The following RHBG variants were observed in gnomAD, a reference collection of about 807,000 sequenced individuals.
RHBG encodes the protein ammonium transporter Rh type B.
A neutral mutation model predicts 40.1 loss-of-function variants in RHBG; 39 were observed. That is an observed-to-expected ratio of 0.97 (90% CI 0.75 to 1.27). RHBG has a LOEUF of 1.27. Ranked by LOEUF, RHBG falls within the 50% of genes most tolerant of loss-of-function variation. RHBG has a pLI of 0.00. For missense variants in RHBG, 549 were observed against 588.1 expected (o/e 0.93, Z 0.69); for synonymous variants, 237 against 252.5 (o/e 0.94, Z 0.58).
At chr1:156,381,245 T>G in intron 4 of RHBG, 102 bp from the exon 5 acceptor site, 47 of 1,210,956 alleles carry the variant, frequency 3.9e-5, no homozygotes, top group Non-Finnish European at 5.0e-5. Flanking sequence ...ATGAGGAAAC[T>G]GAGGCTGCTG....
chr1:156,380,771 AAC>A (rs1667569473), intron 4 of RHBG, among the ~76,000 whole-genome samples: 1 of 151,392 alleles, frequency 6.6e-6, no homozygotes, highest in African/African-American at 2.4e-5. Context: ...CGTGGTTTTC[AAC>A]AAAGTAGTTT....
At position 156,377,590 on chromosome 1, in the gene RHBG, C is replaced by T. The variant is rs561134605; in HGVS notation, c.374+103C>T. The T allele has an allele frequency of 4.9e-6, 6 of 1,221,812 alleles. No individual in the cohort carries two copies. Among genetic ancestry groups the T allele is most frequent in the South Asian group, 3.0e-5 (2 of 67,230 alleles). The allele number at this position is 1,221,812 out of a possible 1,614,324, so 75.7% of individuals were successfully genotyped here. ...TCCTTCAAGTCTGCTTCCTGACTCA[C>T]GATTCTGGGCGTCACTTGGTTTCTC... is the stretch of plus-strand genomic sequence containing the variant. On this transcript the variant is annotated intron_variant, in intron 2 of 9. Transcript: ENST00000537040. This position sits in a 1 kb window ranked among gnomAD's most constrained non-coding sequence, Gnocchi z 4.6.
intron 4 of RHBG, among the ~76,000 whole-genome samples, chr1:156,381,070 C>G (rs1313911003): frequency 1.3e-5 from 2 of 152,062 alleles, no homozygotes; most frequent in Admixed American, 1.3e-4. Flanking sequence ...CAGCTAATTC[C>G]TTTGTATTTT....
At chr1:156,384,653 C>G in intron 9 of RHBG, 53 bp downstream of exon 9, 1 of 1,543,280 alleles carries the variant, frequency 6.5e-7, no homozygotes, top group Non-Finnish European at 8.8e-7. Context: ...CCTGCCTCGC[C>G]TCCTGTGGCC....
chr1:156,377,891 C>A lies in RHBG; in HGVS notation c.375-99C>A. 8.1e-7 allele frequency: 1 copy of A among 1,240,098 alleles called. No individual in the cohort carries two copies. The highest frequency in any genetic ancestry group is 1.1e-6 in the Non-Finnish European group (1 of 898,590). The allele number at this position is 1,240,098 out of a possible 1,614,324, so 76.8% of individuals were successfully genotyped here. On this transcript the variant is annotated intron_variant, in intron 2 of 9. Transcript: ENST00000537040. The surrounding 1 kb of genome is among the most constrained non-coding windows in gnomAD (Gnocchi z 4.6). ...TCTCTCCAGAACTCCAACCCCACCC[C>A]ACCCACCACATCATGCTGTCCTGGC...
At position 156,382,084 on chromosome 1, in the gene RHBG, A is replaced by G. The variant is rs749812306; in HGVS notation, c.995A>G (p.Lys332Arg). The G allele has an allele frequency of 2.5e-6, 4 of 1,610,026 alleles. No homozygotes were observed. Among genetic ancestry groups the G allele is most frequent in the Non-Finnish European group, 8.5e-7 (1 of 1,176,854 alleles). Residue 332 changes from lysine to arginine, a missense_variant, in exon 7 of 10, where the codon AAA (lysine) becomes AGA (arginine). Physicochemically the swap from Lys to Arg is conservative, Grantham distance 26. Around this residue, in one of 3 missense-constraint regions of RHBG, gnomAD observed 399 missense variants for 417.0 expected, o/e 0.96. Coordinates refer to ENST00000537040, the MANE Select transcript of RHBG (RefSeq NM_020407.5). ...GCCCTCCAGCCCATCCTTGAATCAAAATTCAAAGTCCAAGACACATGTGGA... is the reference window on the plus strand; with the variant it reads ...GCCCTCCAGCCCATCCTTGAATCAAGATTCAAAGTCCAAGACACATGTGGA... ...YKFFTPILESKFKVQDTCGVH... is the reference protein window; with the variant it reads ...YKFFTPILESRFKVQDTCGVH...
chr1:156,383,828 A>ATTT (rs58771195), intron 8 of RHBG, among the ~76,000 whole-genome samples: 125 of 101,688 alleles, frequency 1.2e-3, no homozygotes, highest in Non-Finnish European at 1.8e-3. Flanking sequence ...CGCCCGGCCT[A>ATTT]TTTTTTTTTT....
Position 156,377,468 on chromosome 1 carries a change from A to C in RHBG, c.355A>C (p.Ile119Leu). Residue 119 changes from isoleucine (I) to leucine (L), a missense_variant, in exon 2 of 10, where the codon ATC becomes CTC. This residue lies in a region of RHBG where 51 missense variants were observed against 85.9 expected (regional missense o/e 0.59). Coordinates refer to ENST00000537040, the MANE Select transcript of RHBG (RefSeq NM_020407.5). This position sits in a 1 kb window ranked among gnomAD's most constrained non-coding sequence, Gnocchi z 4.6. Reference sequence around the variant, plus strand: ...TCTCCACTCCTTCCACGGTGGCCACATCCATGTTGGCGTGGAGAGGTGGGC... The same window carrying C: ...TCTCCACTCCTTCCACGGTGGCCACCTCCATGTTGGCGTGGAGAGGTGGGC... ...GFLHSFHGGHIHVGVESMINA... is the reference protein window; with the variant it reads ...GFLHSFHGGHLHVGVESMINA... The C allele has an allele frequency of 6.2e-7, 1 of 1,611,844 alleles. No homozygotes were observed. Among genetic ancestry groups the C allele is most frequent in the Non-Finnish European group, 8.5e-7 (1 of 1,178,174 alleles).
chr1:156,369,857 T>C (rs541336147), intron 1 of RHBG, among the ~76,000 whole-genome samples: 11 of 152,070 alleles, frequency 7.2e-5, no homozygotes, highest in African/African-American at 2.4e-4. Context: ...ACCCTGAGCA[T>C]GGGAAAGAGA....
At chr1:156,371,105 G>A (rs1158641567) in intron 1 of RHBG, 7 of 419,550 alleles carry the variant, frequency 1.7e-5, no homozygotes, top group Non-Finnish European at 3.2e-5. Flanking sequence ...TTCAAACAAG[G>A]CCTAGAGTGT....
In RHBG at chr1:156,375,794, C is replaced by CA. The variant is rs573831667; in HGVS notation, c.188-1505dup. ...CTCACTCTGTTGCCAGGCTGGAGTG[C>CA]AATGGCGCTATCTCGGCTCACTGCA... On this transcript the variant is annotated intron_variant, in intron 1 of 9. Transcript: ENST00000537040. Among the ~76,000 whole-genome samples the CA allele has an allele frequency of 5.2e-4, 78 of 151,334 alleles. 1 individual carries two copies. Among genetic ancestry groups the CA allele is most frequent in the South Asian group, 4.4e-3 (21 of 4,798 alleles).
chr1:156,377,240 T>A lies in RHBG; in HGVS notation c.188-61T>A. The A allele has an allele frequency of 6.5e-7, 1 of 1,548,900 alleles. No homozygotes were observed. Among genetic ancestry groups the A allele is most frequent in the East Asian group, 2.3e-5 (1 of 44,112 alleles). On this transcript the variant is annotated intron_variant, in intron 1 of 9. Coordinates refer to ENST00000537040, the MANE Select transcript of RHBG (RefSeq NM_020407.5). The surrounding 1 kb of genome is among the most constrained non-coding windows in gnomAD (Gnocchi z 4.6). The stretch of plus-strand genomic sequence containing the variant: ...CAGGGGCACTGGCAGGGTAGCTGAC[T>A]GGATTGTGGGCTATGGCTAGAGCAG...
intron 7 of RHBG, 98 bp downstream of exon 7, chr1:156,382,299 C>A (rs571940719): frequency 2.0e-6 from 3 of 1,537,680 alleles, no homozygotes; most frequent in African/African-American, 1.4e-5. Context: ...AGAATGAATT[C>A]ATTCATTCAT....
At chr1:156,375,216 C>T (rs1005720026) in intron 1 of RHBG, among the ~76,000 whole-genome samples, 2 of 151,932 alleles carry the variant, frequency 1.3e-5, no homozygotes, top group Admixed American at 1.3e-4. Flanking sequence ...GGGATTACAG[C>T]TGTGCACCAC....
chr1:156,370,444 A>C (rs1426957132), intron 1 of RHBG, among the ~76,000 whole-genome samples: 1 of 105,466 alleles, frequency 9.5e-6, no homozygotes, highest in Non-Finnish European at 2.0e-5. Context: ...GCGAGACTCC[A>C]TCTCGAGAAA....
At chr1:156,381,656 C>A in intron 5 of RHBG, 143 bp downstream of exon 5, 2 of 1,377,318 alleles carry the variant, frequency 1.5e-6, no homozygotes, top group Non-Finnish European at 2.0e-6. Flanking sequence ...GCTATGGGAT[C>A]AGAATGGGAG....
intron 1 of RHBG, among the ~76,000 whole-genome samples, chr1:156,370,202 A>G (rs963201864): frequency 2.0e-5 from 3 of 152,122 alleles, no homozygotes; most frequent in Admixed American, 2.0e-4. Context: ...TAATCCCAGC[A>G]CTTTGGGAGG....
intron 8 of RHBG, 169 bp from the exon 9 acceptor site, chr1:156,384,358 C>T (rs994334366): frequency 2.8e-6 from 2 of 717,538 alleles, no homozygotes; most frequent in African/African-American, 1.8e-5. Flanking sequence ...GCACTTTGCA[C>T]AGGGCCTGGC....
chr1:156,377,311 C>T lies in RHBG; in HGVS notation c.198C>T (p.Asp66=), dbSNP rs568339394. The T allele has an allele frequency of 7.2e-5, 116 of 1,613,874 alleles. No homozygotes were observed. The East Asian group carries it at 8.7e-4, about 12-fold the overall frequency. ...EFYFRYPSFQ[D]VHAMVFVGFG... The stretch of plus-strand genomic sequence containing the variant: ...CCCTGCCCGCTGCAGGCTTCCAGGA[C>T]GTGCATGCCATGGTCTTCGTGGGCT... The change falls in exon 2 of 10, where the codon GAC becomes GAT. Residue 66 remains aspartate, a synonymous_variant. Coordinates refer to ENST00000537040, the MANE Select transcript of RHBG (RefSeq NM_020407.5). This position sits in a 1 kb window ranked among gnomAD's most constrained non-coding sequence, Gnocchi z 4.6.
Sources: gnomAD v4.1 joint callset for allele counts (sites outside exome capture counted in the v4.1 genomes callset) on GRCh38, gnomAD v4.1.1 for gene constraint, gnomAD v4.1.1 regional missense constraint, Gnocchi (gnomAD v3.1) non-coding constraint, MANE v1.5 for transcripts, NCBI Gene and HGNC (gene_info 2026-07-23, HGNC 2026-07-21) for gene names.